The following ACSS3 variants were observed in gnomAD, a reference collection of about 807,000 sequenced individuals.
ACSS3 encodes acyl-CoA synthetase short-chain family member 3, mitochondrial.
Under a neutral mutation model 84.2 loss-of-function variants are expected in ACSS3, and 64 were observed. The observed-to-expected ratio is 0.76, with a 90% CI of 0.62 to 0.94. The LOEUF (loss-of-function observed/expected upper bound fraction) is 0.94, where lower values mean the gene tolerates loss of function less well. ACSS3 is among the 40% of genes least tolerant of loss of function. ACSS3 has a pLI of 0.00. For missense variants in ACSS3, 815 were observed against 867.6 expected, an observed-to-expected ratio of 0.94 and a Z score of 0.76; for synonymous variants, 317 against 310.1, an observed-to-expected ratio of 1.02 and a Z score of -0.23.
At chr12:81,206,863 C>T (rs1237800229) in intron 9 of ACSS3, among the ~76,000 whole-genome samples, 2 of 152,122 alleles carry the variant, frequency 1.3e-5, no homozygotes, top group African/African-American at 2.4e-5. Context: ...TGCTAATCCA[C>T]CTGAGAATGA....
intron 9 of ACSS3, among the ~76,000 whole-genome samples, chr12:81,209,447 A>T (rs1458449712): frequency 6.6e-6 from 1 of 151,480 alleles, no homozygotes; most frequent in East Asian, 1.9e-4. Flanking sequence ...ACCATATCTC[A>T]TGATTTTGTG....
intron 2 of ACSS3, among the ~76,000 whole-genome samples, chr12:81,133,525 A>G (rs1024413297): frequency 3.3e-5 from 5 of 152,048 alleles, no homozygotes; most frequent in Admixed American, 2.6e-4. Context: ...TATTTCACTG[A>G]TGTTCTCTTT....
intron 1 of ACSS3, among the ~76,000 whole-genome samples, chr12:81,104,521 T>A (rs1882808322): frequency 6.6e-6 from 1 of 151,990 alleles, no homozygotes. Context: ...GTCAGATTAG[T>A]TTATGTGGGG....
At position 81,205,806 on chromosome 12, in the gene ACSS3, G is replaced by A. The variant is rs139642986; in HGVS notation, c.1354+6362G>A. 7.9e-5 allele frequency among the ~76,000 whole-genome samples: 12 copies of A among 152,198 alleles called. No homozygotes were observed. The East Asian group carries it at 1.9e-3, about 25-fold the overall frequency. On this transcript the variant is annotated intron_variant, in intron 9 of 15. Coordinates refer to ENST00000548058, the MANE Select transcript of ACSS3 (RefSeq NM_024560.4). ...AAGGAATTTTATATCCCTGGAATCA[G>A]CATTGAGAACATTATGCCTCTTGTT...
intron 13 of ACSS3, among the ~76,000 whole-genome samples, chr12:81,237,455 T>C (rs940020395): frequency 4.0e-5 from 6 of 151,708 alleles, no homozygotes; most frequent in Admixed American, 4.0e-4. Context: ...CTGATAATTC[T>C]GATATTTAGG....
At chr12:81,142,803 T>G (rs1204084897) in intron 4 of ACSS3, among the ~76,000 whole-genome samples, 1 of 152,228 alleles carries the variant, frequency 6.6e-6, no homozygotes, top group Admixed American at 6.5e-5. Flanking sequence ...GAAACGTTAT[T>G]TAAGCCATGA....
chr12:81,174,608 T>C (rs1305207374), intron 7 of ACSS3, 180 bp from the exon 8 acceptor site: 5 of 546,964 alleles, frequency 9.1e-6, no homozygotes, highest in Non-Finnish European at 8.9e-6. Flanking sequence ...GCAAACAGTC[T>C]CTGTTATGCC....
At chr12:81,190,787 C>T (rs1459700712) in intron 8 of ACSS3, among the ~76,000 whole-genome samples, 2 of 151,860 alleles carry the variant, frequency 1.3e-5, no homozygotes, top group Non-Finnish European at 2.9e-5. Context: ...AACAAAGTTT[C>T]TATTTTTGGT....
At chr12:81,183,109 G>T (rs2135848849) in intron 8 of ACSS3, among the ~76,000 whole-genome samples, 1 of 152,268 alleles carries the variant, frequency 6.6e-6, no homozygotes, top group Middle Eastern at 3.4e-3. Flanking sequence ...ATCCATGCTG[G>T]CAAGGGGAAA....
intron 13 of ACSS3, among the ~76,000 whole-genome samples, chr12:81,249,680 C>T (rs2034091112): frequency 6.6e-6 from 1 of 151,666 alleles, no homozygotes; most frequent in Admixed American, 6.6e-5. Context: ...TGAATAGTTC[C>T]TGAGTATTCA....
At chr12:81,179,290 G>GAAAAAAAAAAA (rs2030737502) in intron 8 of ACSS3, among the ~76,000 whole-genome samples, 2 of 95,014 alleles carry the variant, frequency 2.1e-5, no homozygotes, top group African/African-American at 4.0e-5. Flanking sequence ...AAAAAAAAAA[G>GAAAAAAAAAAA]AAAAAGAAAA....
At chr12:81,118,252 T>G (rs1884223252) in intron 2 of ACSS3, among the ~76,000 whole-genome samples, 1 of 152,156 alleles carries the variant, frequency 6.6e-6, no homozygotes, top group South Asian at 2.1e-4. Context: ...GTGGCTTAAT[T>G]TTTTAAATAA....
intron 8 of ACSS3, among the ~76,000 whole-genome samples, chr12:81,177,352 GAA>G (rs2030562107): frequency 6.6e-6 from 1 of 152,130 alleles, no homozygotes; most frequent in African/African-American, 2.4e-5. Context: ...CATCCAGAAG[GAA>G]AAGAGGAAGT....
intron 1 of ACSS3, among the ~76,000 whole-genome samples, chr12:81,097,132 G>A (rs532651432): frequency 3.3e-5 from 5 of 152,192 alleles, no homozygotes; most frequent in African/African-American, 7.2e-5. Flanking sequence ...GTGGCTAGTC[G>A]TTACCCTACT....
At chr12:81,093,839 T>TA (rs1042457025) in intron 1 of ACSS3, among the ~76,000 whole-genome samples, 4 of 152,208 alleles carry the variant, frequency 2.6e-5, no homozygotes, top group African/African-American at 9.6e-5. Flanking sequence ...GTTATGCCTT[T>TA]AAAAAATCAA....
chr12:81,227,452 A>G (rs2033309181), intron 11 of ACSS3, among the ~76,000 whole-genome samples: 1 of 151,644 alleles, frequency 6.6e-6, no homozygotes, highest in African/African-American at 2.4e-5. Context: ...CAGACCATTT[A>G]TACTTGTGCA....
At chr12:81,079,997 C>A (rs951120811) in intron 1 of ACSS3, among the ~76,000 whole-genome samples, 3 of 152,152 alleles carry the variant, frequency 2.0e-5, no homozygotes, top group African/African-American at 7.2e-5. Flanking sequence ...GATGAAAGCA[C>A]AGAGATTATT....
At chr12:81,083,563 T>C (rs1447035555) in intron 1 of ACSS3, among the ~76,000 whole-genome samples, 1 of 151,522 alleles carries the variant, frequency 6.6e-6, no homozygotes, top group Non-Finnish European at 1.5e-5. Flanking sequence ...GGTTTCACCA[T>C]GTTGGCCAGG....
chr12:81,197,097 C>T (rs1368782321), intron 8 of ACSS3, among the ~76,000 whole-genome samples: 1 of 151,880 alleles, frequency 6.6e-6, no homozygotes, highest in Non-Finnish European at 1.5e-5. Flanking sequence ...AGTAACAGCA[C>T]ATTGGATGTT....
Sources: allele counts gnomAD v4.1 joint callset (sites outside exome capture counted in the v4.1 genomes callset), GRCh38; gene constraint gnomAD v4.1.1; transcripts MANE v1.5; gene names NCBI Gene and HGNC (gene_info 2026-07-23, HGNC 2026-07-21).